ANKS1B: variants seen among roughly 807,000 people sequenced by gnomAD.
ANKS1B encodes ankyrin repeat and sterile alpha motif domain containing 1B.
In ANKS1B, 36 loss-of-function variants were observed where a neutral mutation model predicts 148.3. The ratio of observed to expected loss-of-function variants is 0.24; its 90% CI spans 0.19 to 0.32. The LOEUF is 0.32. ANKS1B is among the 10% of genes least tolerant of loss of function. The pLI is 1.00. For synonymous variants in ANKS1B, 542 were observed against 560.8 expected, an observed-to-expected ratio of 0.97 and a Z score of 0.47; for missense variants, 1,157 against 1,542.6, an observed-to-expected ratio of 0.75 and a Z score of 4.19.
At position 99,430,049 on chromosome 12, in the gene ANKS1B, G is replaced by GAA. The variant is rs1243212957; in HGVS notation, c.1575+13622_1575+13623dup. Among the ~76,000 whole-genome samples the GAA allele has an allele frequency of 1.4e-3, 187 of 136,562 alleles. 2 individuals are homozygous for GAA. The South Asian group carries it at 0.032, about 24-fold the overall frequency. 89.6% of individuals were successfully genotyped at this position (136,562 alleles called of 152,430 possible). ...GCAACTTACTCACAAATAGTTCCAG[G>GAA]AAAAAAAAAAAAAGATCTTTAGAAA... On this transcript the variant is annotated intron_variant, in intron 11 of 26. Transcript: ENST00000683438.
rs147752947 is a variant in ANKS1B at position 98,865,551 on chromosome 12, C to T, written c.2779-33415G>A. Among the ~76,000 whole-genome samples, 501 of 152,094 alleles carry T rather than the reference C, an allele frequency of 3.3e-3. 3 individuals are homozygous for T. The highest frequency in any genetic ancestry group is 0.014 in the Middle Eastern group (4 of 294). On this transcript the variant is annotated intron_variant, in intron 17 of 26. Coordinates refer to ENST00000683438, the MANE Select transcript of ANKS1B (RefSeq NM_001352186.2). ...TCTAGCAGGGGAGAAGGATCATGAA[C>T]ATAAGAATAATTAAATTTACAGAGT...
intron 11 of ANKS1B, 141 bp downstream of exon 11, chr12:99,443,532 C>T: frequency 1.2e-6 from 1 of 866,284 alleles, no homozygotes; most frequent in East Asian, 3.1e-5. Flanking sequence ...CAAACATCCT[C>T]TTCTGAGTCC....
intron 12 of ANKS1B, among the ~76,000 whole-genome samples, chr12:99,361,180 T>C (rs1242222276): frequency 6.6e-6 from 1 of 152,138 alleles, no homozygotes; most frequent in Non-Finnish European, 1.5e-5. Flanking sequence ...CCTCATTCTT[T>C]ATGATGTAAT....
intron 8 of ANKS1B, among the ~76,000 whole-genome samples, chr12:99,721,664 T>G (rs1247165222): frequency 6.6e-6 from 1 of 152,180 alleles, no homozygotes; most frequent in Non-Finnish European, 1.5e-5. Context: ...TCAGCCTGCC[T>G]GCACCCAGGT....
At chr12:99,931,442 G>A (rs373991565) in intron 1 of ANKS1B, among the ~76,000 whole-genome samples, 10 of 152,048 alleles carry the variant, frequency 6.6e-5, no homozygotes, top group East Asian at 1.9e-4. Context: ...ATTCCTCTAC[G>A]CAGTTCTAAC....
rs546383342 is a variant in ANKS1B at position 98,757,066 on chromosome 12, G to T, written c.3580-5544C>A. Among the ~76,000 whole-genome samples, 159 of 151,044 alleles carry T rather than the reference G, an allele frequency of 1.1e-3. 1 individual carries two copies. Among genetic ancestry groups the T allele is most frequent in the African/African-American group, 3.2e-3 (133 of 41,162 alleles). ...TAAAAAAAAAAGGAAAAAAAAAAAA[G>T]TTCTTGCTATCCTGAGATCATCATG... On this transcript the variant is annotated intron_variant, in intron 25 of 26. Coordinates refer to ENST00000683438, the MANE Select transcript of ANKS1B (RefSeq NM_001352186.2).
Position 99,406,392 on chromosome 12 carries a change from A to G in ANKS1B, c.1576-6581T>C, listed in dbSNP as rs144600405. Among the ~76,000 whole-genome samples, 573 of 146,122 alleles carry G rather than the reference A, an allele frequency of 3.9e-3. 37 individuals are homozygous for G. The East Asian group carries it at 0.088, about 22-fold the overall frequency. On this transcript the variant is annotated intron_variant, in intron 11 of 26. Coordinates refer to ENST00000683438, the MANE Select transcript of ANKS1B (RefSeq NM_001352186.2). The stretch of plus-strand genomic sequence containing the variant: ...GAGGAATTTTGGAAACTATACAAAC[A>G]CGTGAAAATTAAACAATATGCTACT...
In ANKS1B at chr12:99,382,174, G is replaced by C. The variant is rs2093665434; in HGVS notation, c.1756+17457C>G. On this transcript the variant is annotated intron_variant, in intron 12 of 26. Transcript: ENST00000683438. ...GGGTAGAGAAAATTCAAACCGATAA[G>C]GCATCAGGCAAAGCAAAACTGCTTT... Among the ~76,000 whole-genome samples the C allele has an allele frequency of 2.0e-5, 3 of 152,126 alleles. No individual in the cohort carries two copies. The South Asian group carries it at 6.2e-4, about 32-fold the overall frequency.
intron 11 of ANKS1B, among the ~76,000 whole-genome samples, chr12:99,437,861 C>T (rs1338157473): frequency 5.3e-5 from 8 of 151,792 alleles, no homozygotes; most frequent in Non-Finnish European, 1.5e-5. Context: ...TACCATCAAA[C>T]TACTAAAAAG....
chr12:99,573,073 C>T (rs1479962904), intron 9 of ANKS1B, among the ~76,000 whole-genome samples: 1 of 152,032 alleles, frequency 6.6e-6, no homozygotes, highest in African/African-American at 2.4e-5. Flanking sequence ...ATGGTGCTAA[C>T]CACATCAAGG....
intron 25 of ANKS1B, among the ~76,000 whole-genome samples, chr12:98,766,350 G>C (rs2153456063): frequency 6.6e-6 from 1 of 152,338 alleles, no homozygotes; most frequent in East Asian, 1.9e-4. Context: ...AGGGCCATTT[G>C]CTCCTCTTAG....
chr12:99,499,637 G>A (rs982006705), intron 10 of ANKS1B, among the ~76,000 whole-genome samples: 1 of 151,998 alleles, frequency 6.6e-6, no homozygotes, highest in Non-Finnish European at 1.5e-5. Flanking sequence ...CACAGACCAC[G>A]AGAAAGTCCA....
chr12:98,934,848 T>G (rs1195303593), intron 17 of ANKS1B, among the ~76,000 whole-genome samples: 2 of 152,044 alleles, frequency 1.3e-5, no homozygotes, highest in Non-Finnish European at 2.9e-5. Flanking sequence ...ACTGAATTCA[T>G]TTTTTAGTTC....
intron 8 of ANKS1B, among the ~76,000 whole-genome samples, chr12:99,660,420 G>A (rs1179541454): frequency 1.4e-5 from 2 of 141,078 alleles, no homozygotes; most frequent in Non-Finnish European, 3.0e-5. Flanking sequence ...CTGCAGTGCA[G>A]TGGCACAATC....
intron 15 of ANKS1B, among the ~76,000 whole-genome samples, chr12:99,127,836 C>T (rs1043004301): frequency 9.2e-5 from 14 of 152,174 alleles, no homozygotes; most frequent in Non-Finnish European, 1.2e-4. Context: ...CTGCCATTTG[C>T]CTCCACAAAT....
intron 17 of ANKS1B, among the ~76,000 whole-genome samples, chr12:98,872,191 C>A (rs1209799647): frequency 6.6e-6 from 1 of 152,136 alleles, no homozygotes; most frequent in African/African-American, 2.4e-5. Context: ...TATGTTGAAG[C>A]CCTAATTCCC....
intron 17 of ANKS1B, among the ~76,000 whole-genome samples, chr12:99,015,823 G>A (rs2099942201): frequency 2.0e-5 from 3 of 152,062 alleles, no homozygotes; most frequent in South Asian, 2.1e-4. Flanking sequence ...CTGAGATCAC[G>A]CCACTGCACT....
chr12:99,564,989 T>C (rs12315406), intron 9 of ANKS1B, among the ~76,000 whole-genome samples: 5,469 of 152,234 alleles, frequency 0.036, 268 homozygotes, highest in African/African-American at 0.11. Context: ...AGTTGTTCAT[T>C]CTGGAAAAAT....
chr12:99,620,842 A>G (rs569070718), intron 9 of ANKS1B, among the ~76,000 whole-genome samples: 1 of 152,330 alleles, frequency 6.6e-6, no homozygotes, highest in African/African-American at 2.4e-5. Flanking sequence ...ATTTAAGGGA[A>G]TAACTCAAGA....
Sources: allele counts gnomAD v4.1 joint callset (sites outside exome capture counted in the v4.1 genomes callset), GRCh38; gene constraint gnomAD v4.1.1; transcripts MANE v1.5; gene names NCBI Gene and HGNC (gene_info 2026-07-23, HGNC 2026-07-21).